CNKSR2: variants seen among roughly 807,000 people sequenced by gnomAD.
CNKSR2 encodes the protein CNK homolog protein 2.
CNKSR2 carries 14 observed loss-of-function variants against 84.4 expected under a neutral mutation model. The ratio of observed to expected loss-of-function variants is 0.17; its 90% CI spans 0.11 to 0.26. The LOEUF (loss-of-function observed/expected upper bound fraction) is 0.26. Among genes scored for constraint, CNKSR2 ranks in the 10% least tolerant of loss-of-function variants. The pLI is 1.00. For synonymous variants in CNKSR2, 275 were observed against 277.9 expected (o/e 0.99, Z 0.10); for missense variants, 485 against 771.2 (o/e 0.63, Z 4.40).
chrX:21,634,877 T>C (rs1158009227), intron 20 of CNKSR2, among the ~76,000 whole-genome samples: 2 of 107,951 alleles, frequency 1.9e-5, no homozygotes, highest in Non-Finnish European at 3.8e-5. Flanking sequence ...TATATATACA[T>C]ACATATATTC....
At chrX:21,619,290 C>G (rs1207623195) in intron 20 of CNKSR2, among the ~76,000 whole-genome samples, 2 of 111,938 alleles carry the variant, frequency 1.8e-5, no homozygotes, top group Admixed American at 1.9e-4. Flanking sequence ...TGAGAAGGCA[C>G]TTCTTAATGT....
chrX:21,378,997 A>G (rs1486935117), intron 1 of CNKSR2, among the ~76,000 whole-genome samples: 3 of 112,505 alleles, frequency 2.7e-5, no homozygotes, highest in African/African-American at 9.7e-5. Flanking sequence ...TCTGACTTCT[A>G]ATTTCTGTCC....
chrX:21,529,663 C>T (rs140491462), intron 10 of CNKSR2, among the ~76,000 whole-genome samples: 75 of 110,408 alleles, frequency 6.8e-4, no homozygotes, highest in African/African-American at 2.2e-3. Context: ...GGACTCATGA[C>T]GTGAATATAT....
chrX:21,487,104 T>C (rs934393215), intron 5 of CNKSR2, among the ~76,000 whole-genome samples: 4 of 112,165 alleles, frequency 3.6e-5, no homozygotes, highest in African/African-American at 1.3e-4. Context: ...TTTAATCTGT[T>C]AACTCCTGAT....
chrX:21,431,890 C>G (rs1254341762), intron 2 of CNKSR2, among the ~76,000 whole-genome samples: 3 of 111,482 alleles, frequency 2.7e-5, no homozygotes, highest in Non-Finnish European at 3.8e-5. Flanking sequence ...AAGAAGAAAA[C>G]AAATACACTT....
chrX:21,635,402 G>GTATATATACACATATATA (rs2092666384), intron 20 of CNKSR2, among the ~76,000 whole-genome samples: 1 of 104,523 alleles, frequency 9.6e-6, no homozygotes, highest in Non-Finnish European at 1.9e-5. Context: ...GTGTGTGTGT[G>GTATATATACACATATATA]TGTGTGTATA....
chrX:21,416,331 G>C (rs1190458900), intron 1 of CNKSR2, among the ~76,000 whole-genome samples: 2 of 111,622 alleles, frequency 1.8e-5, no homozygotes, highest in African/African-American at 6.5e-5. Flanking sequence ...TAATATTACT[G>C]TATTCAGTTG....
rs755563357 is a variant in CNKSR2 at position 21,572,297 on chromosome X, C to G, written c.1608+8845C>G. ...CTTTGATTCTTATGGGCAAATAACA[C>G]ATCACAAACTTCCATTTTCACTTGT... On this transcript the variant is annotated intron_variant, in intron 13 of 21. Transcript: ENST00000379510. Among the ~76,000 whole-genome samples the G allele has an allele frequency of 4.5e-5, 5 of 112,189 alleles. No homozygotes were observed. The South Asian group carries it at 1.9e-3, about 42-fold the overall frequency.
At chrX:21,537,487 AG>A (rs2091938878) in intron 11 of CNKSR2, among the ~76,000 whole-genome samples, 1 of 111,419 alleles carries the variant, frequency 9.0e-6, no homozygotes, top group Admixed American at 9.5e-5. Flanking sequence ...ATTATTATAT[AG>A]GGGTCTATCT....
At chrX:21,492,938 A>G (rs768745979) in intron 6 of CNKSR2, 1 of 112,134 alleles carries the variant, frequency 8.9e-6, no homozygotes, top group Non-Finnish European at 1.9e-5. Flanking sequence ...TAAATGAAGG[A>G]AAGAAATAGA....
chrX:21,614,530 A>C (rs1281757678), intron 20 of CNKSR2, among the ~76,000 whole-genome samples: 1 of 111,453 alleles, frequency 9.0e-6, no homozygotes. Context: ...TAACTATATC[A>C]CTTTTGTAAA....
chrX:21,386,018 C>CAA (rs1179082753), intron 1 of CNKSR2, among the ~76,000 whole-genome samples: 208 of 20,367 alleles, frequency 0.01, 9 homozygotes, highest in African/African-American at 0.018. Context: ...TGGATGTAGG[C>CAA]AAAAAAAAAA....
intron 8 of CNKSR2, chrX:21,503,244 G>A (rs1258541542): frequency 3.4e-6 from 1 of 292,445 alleles, no homozygotes; most frequent in Non-Finnish European, 6.0e-6. Context: ...TACATCACAG[G>A]AATATTCTAA....
In CNKSR2 at chrX:21,636,671, C is replaced by G. The variant is rs746922439; in HGVS notation, c.2693-12160C>G. Among the ~76,000 whole-genome samples, 4 of 110,594 alleles carry G rather than the reference C, an allele frequency of 3.6e-5. No individual in the cohort carries two copies. The East Asian group carries it at 8.5e-4, about 23-fold the overall frequency. On this transcript the variant is annotated intron_variant, in intron 20 of 21. Transcript: ENST00000379510. ...AGGATGGAGGAGTCAAATATCAAGT[C>G]AAATACAGTAGATAATTCTTAACTA...
At chrX:21,429,699 A>G (rs1194461353) in intron 2 of CNKSR2, 1 of 111,596 alleles carries the variant, frequency 9.0e-6, no homozygotes, top group African/African-American at 3.3e-5. Flanking sequence ...GGAGTTCAAG[A>G]CCAGCCTGGG....
intron 1 of CNKSR2, among the ~76,000 whole-genome samples, chrX:21,392,860 A>G (rs2090070077): frequency 9.0e-6 from 1 of 110,852 alleles, no homozygotes; most frequent in South Asian, 3.8e-4. Flanking sequence ...GTAATTTAAG[A>G]CCTCCTCTGT....
intron 1 of CNKSR2, among the ~76,000 whole-genome samples, chrX:21,376,832 G>A (rs1378941883): frequency 9.0e-6 from 1 of 111,635 alleles, no homozygotes; most frequent in Non-Finnish European, 1.9e-5. Flanking sequence ...TGCATACTCA[G>A]TCTCCACCTC....
At chrX:21,417,826 GTGTTT>G (rs943061403) in intron 1 of CNKSR2, among the ~76,000 whole-genome samples, 1 of 111,236 alleles carries the variant, frequency 9.0e-6, no homozygotes, top group Non-Finnish European at 1.9e-5. Context: ...ACAAATCACT[GTGTTT>G]TGTTTTGTTT....
intron 12 of CNKSR2, among the ~76,000 whole-genome samples, chrX:21,561,769 G>A (rs986544077): frequency 1.8e-5 from 2 of 111,102 alleles, no homozygotes; most frequent in African/African-American, 6.5e-5. Flanking sequence ...GGGGTTCCAG[G>A]TACATAAGTA....
Sources: allele counts gnomAD v4.1 joint callset (sites outside exome capture counted in the v4.1 genomes callset), GRCh38; gene constraint gnomAD v4.1.1; transcripts MANE v1.5; gene names NCBI Gene and HGNC (gene_info 2026-07-23, HGNC 2026-07-21).